AP4E1: variants seen among roughly 807,000 people sequenced by gnomAD.
AP4E1 encodes the protein adaptor related protein complex 4 subunit epsilon 1, also known as AP-4 complex subunit epsilon-1.
Under a neutral mutation model 128.2 loss-of-function variants are expected in AP4E1, and 56 were observed. That is an observed-to-expected ratio of 0.44 (90% CI 0.35 to 0.55). The LOEUF is 0.55. Ranked by LOEUF, AP4E1 falls within the 20% of genes least tolerant of loss-of-function variation. AP4E1 has a pLI of 0.00. For missense variants in AP4E1, 1,324 were observed against 1,307.7 expected (o/e 1.01, Z -0.19); for synonymous variants, 484 against 473.1 (o/e 1.02, Z -0.30).
intron 15 of AP4E1, among the ~76,000 whole-genome samples, chr15:50,983,455 T>C (rs529700908): frequency 3.3e-4 from 50 of 152,246 alleles, no homozygotes; most frequent in South Asian, 1.0e-3. Flanking sequence ...GTTTATTACA[T>C]AGAAAGAAAG....
intron 2 of AP4E1, 144 bp from the exon 3 acceptor site, chr15:50,915,304 G>C (rs1381668040): frequency 3.7e-6 from 3 of 808,830 alleles, no homozygotes; most frequent in Non-Finnish European, 5.8e-6. Context: ...TATAAAGTCT[G>C]ATATTGGGTG....
rs1214983975 is a variant in AP4E1, at chr15:51,003,359, TG to T, written c.*698del. 1.3e-5 allele frequency: 2 copies of T among 152,594 alleles called. No homozygotes were observed. The highest frequency in any genetic ancestry group is 4.8e-5 in the African/African-American group (2 of 41,448). 9.5% of individuals were successfully genotyped at this position (152,594 alleles called of 1,614,324 possible). A position where few individuals can be genotyped will look rare whatever the true frequency, so the allele number is the denominator to read the frequency against. ...AAAGTAAATCACTCTATTCTTATTT[TG>T]AAAACTCAGAGCCATTTTATATAGA... is the stretch of plus-strand genomic sequence containing the variant. On this transcript the variant is annotated 3_prime_UTR_variant, in exon 21 of 21. Coordinates refer to ENST00000261842, the MANE Select transcript of AP4E1 (RefSeq NM_007347.5).
chr15:50,969,894 C>T (rs1420401102), intron 15 of AP4E1, among the ~76,000 whole-genome samples: 1 of 152,052 alleles, frequency 6.6e-6, no homozygotes, highest in Non-Finnish European at 1.5e-5. Flanking sequence ...CTCCTGACCT[C>T]GTGATCTGCC....
intron 15 of AP4E1, among the ~76,000 whole-genome samples, chr15:50,973,308 C>T (rs1010403035): frequency 6.6e-5 from 10 of 152,130 alleles, no homozygotes; most frequent in Admixed American, 5.9e-4. Context: ...TAGAATGAGA[C>T]CAAAAAGTTA....
At chr15:50,931,106 T>C (rs958220388) in intron 7 of AP4E1, 135 bp downstream of exon 7, 5 of 1,119,510 alleles carry the variant, frequency 4.5e-6, no homozygotes, top group Non-Finnish European at 6.6e-6. Flanking sequence ...AAAGAAGCCA[T>C]TGTAAGAATC....
At chr15:50,999,319 C>A in intron 19 of AP4E1, 57 bp downstream of exon 19, 1 of 1,467,390 alleles carries the variant, frequency 6.8e-7, no homozygotes, top group South Asian at 1.2e-5. Context: ...ATTTTTTAGA[C>A]CTCTTCTCTG....
At position 50,912,988 on chromosome 15, in the gene AP4E1, A is replaced by G. The variant is rs28397739; in HGVS notation, c.222+839A>G. 5.0e-3 allele frequency among the ~76,000 whole-genome samples: 758 copies of G among 151,834 alleles called. 11 individuals carry two copies. The highest frequency in any genetic ancestry group is 0.018 in the African/African-American group (734 of 41,390). On this transcript the variant is annotated intron_variant, in intron 2 of 20. Transcript: ENST00000261842. ...CTGGCCTGATTTTTTTTTAAATGAG[A>G]TTTTGTTTCAAGCAACATATCTTCA...
chr15:50,930,859 C>G lies in AP4E1; in HGVS notation c.757C>G (p.Gln253Glu), dbSNP rs770999118. The G allele has an allele frequency of 1.9e-6, 3 of 1,614,018 alleles. No individual in the cohort carries two copies. Among genetic ancestry groups the G allele is most frequent in the Non-Finnish European group, 2.5e-6 (3 of 1,179,992 alleles). Residue 253 changes from glutamine to glutamate, a missense_variant, in exon 7 of 21, where the codon CAA becomes GAA. Gln to Glu is a conservative substitution (Grantham distance 29). Transcript: ENST00000261842. ...LTGSFVTILK[Q>E]VVGGKLPVEF... is the part of the protein sequence containing the mutation. ...TGGGAGTTTTGTAACCATTTTGAAG[C>G]AAGTAGTTGGAGGAAAGCTCCCAGT...
chr15:50,930,149 C>T (rs1271255085), intron 6 of AP4E1, among the ~76,000 whole-genome samples: 2 of 146,994 alleles, frequency 1.4e-5, no homozygotes, highest in Non-Finnish European at 1.5e-5. Flanking sequence ...CTCACCACAA[C>T]CTCCCCGTCC....
chr15:50,985,152 G>T (rs2064702082), intron 16 of AP4E1, among the ~76,000 whole-genome samples: 1 of 151,836 alleles, frequency 6.6e-6, no homozygotes, highest in Non-Finnish European at 1.5e-5. Flanking sequence ...TTTTGATGGG[G>T]TTGTTTGTTT....
chr15:50,912,547 A>G lies in AP4E1; in HGVS notation c.222+398A>G, dbSNP rs1316687914. On this transcript the variant is annotated intron_variant, in intron 2 of 20. Coordinates refer to ENST00000261842, the MANE Select transcript of AP4E1 (RefSeq NM_007347.5). ...TAGTTGTTTTTAAAGTTTGTTCTAC[A>G]TAATCTGATTTTTCAAACAATATTC... is the stretch of plus-strand genomic sequence containing the variant. Among the ~76,000 whole-genome samples, 3 of 152,332 alleles carry G rather than the reference A, an allele frequency of 2.0e-5. No individual in the cohort carries two copies. The East Asian group carries it at 5.8e-4, about 29-fold the overall frequency.
At chr15:50,909,096 C>T (rs954503761) in intron 1 of AP4E1, among the ~76,000 whole-genome samples, 168 bp downstream of exon 1, 1 of 152,362 alleles carries the variant, frequency 6.6e-6, no homozygotes, top group Middle Eastern at 3.4e-3. Flanking sequence ...CTTCACTTTC[C>T]TGCTGGGACT....
At position 51,002,847 on chromosome 15, in the gene AP4E1, C is replaced by T; in HGVS notation, c.*185C>T. 1.4e-6 allele frequency: 1 copy of T among 725,734 alleles called. No individual in the cohort carries two copies. Among genetic ancestry groups the T allele is most frequent in the Non-Finnish European group, 2.3e-6 (1 of 442,122 alleles). 45.0% of individuals were successfully genotyped at this position (725,734 alleles called of 1,614,324 possible). ...CCAAAACTGTATCCCTAACCTTTAA[C>T]TCAGGATTGTACAGTATGTTTAGGT... On this transcript the variant is annotated 3_prime_UTR_variant, in exon 21 of 21. Coordinates refer to ENST00000261842, the MANE Select transcript of AP4E1 (RefSeq NM_007347.5).
At chr15:50,917,384 T>C (rs1455220110) in intron 3 of AP4E1, among the ~76,000 whole-genome samples, 3 of 152,238 alleles carry the variant, frequency 2.0e-5, no homozygotes, top group African/African-American at 7.2e-5. Flanking sequence ...GCATTTCTTT[T>C]ACTGTTCTGC....
chr15:50,980,589 A>G (rs1459770637), intron 15 of AP4E1, among the ~76,000 whole-genome samples: 1 of 152,198 alleles, frequency 6.6e-6, no homozygotes, highest in East Asian at 1.9e-4. Flanking sequence ...GATAGAAATG[A>G]TCATCAAGAC....
chr15:50,999,153 A>C lies in AP4E1; in HGVS notation c.2986A>C (p.Lys996Gln). 1.2e-6 allele frequency: 2 copies of C among 1,614,048 alleles called. No homozygotes were observed. The highest frequency in any genetic ancestry group is 1.7e-6 in the Non-Finnish European group (2 of 1,179,974). Reference protein sequence around the residue: ...KSFQYSVQIEKPFTEGNLTGF... With the variant: ...KSFQYSVQIEQPFTEGNLTGF... Reference sequence around the variant, plus strand: ...CTTTCAATATAGTGTGCAGATAGAAAAACCTTTTACAGAAGGAAATCTTAC... The same window carrying C: ...CTTTCAATATAGTGTGCAGATAGAACAACCTTTTACAGAAGGAAATCTTAC... The change falls in exon 19 of 21, where the codon AAA (lysine) becomes CAA (glutamine). Residue 996 changes from lysine to glutamine, a missense_variant. Lys to Gln is a moderately conservative substitution (Grantham distance 53, BLOSUM62 1). Coordinates refer to ENST00000261842, the MANE Select transcript of AP4E1 (RefSeq NM_007347.5).
intron 2 of AP4E1, among the ~76,000 whole-genome samples, chr15:50,912,716 G>A (rs1417832556): frequency 6.7e-6 from 1 of 150,040 alleles, no homozygotes; most frequent in African/African-American, 2.5e-5. Context: ...GGAGTGCAGT[G>A]GCGTGGCGTG....
rs28567398 is a variant in AP4E1, at chr15:50,914,637, C to T, written c.223-811C>T. ...CTGTACTCCAGCCTGGGTGACAGAG[C>T]GAGACTCTGTCTCAAAAAAAAAAAA... On this transcript the variant is annotated intron_variant, in intron 2 of 20. Transcript: ENST00000261842. Among the ~76,000 whole-genome samples the T allele has an allele frequency of 4.9e-3, 539 of 110,752 alleles. 7 individuals carry two copies. Among genetic ancestry groups the T allele is most frequent in the African/African-American group, 0.02 (520 of 25,634 alleles). 72.7% of individuals were successfully genotyped at this position (110,752 alleles called of 152,430 possible).
In AP4E1 at chr15:51,004,047, A is replaced by G. The variant is rs2064994226; in HGVS notation, c.*1385A>G. 1.3e-5 allele frequency: 2 copies of G among 152,246 alleles called. No homozygotes were observed. Among genetic ancestry groups the G allele is most frequent in the South Asian group, 2.1e-4 (1 of 4,832 alleles). The allele number at this position is 152,246 out of a possible 1,614,324, so 9.4% of individuals were successfully genotyped here. Reference sequence around the variant, plus strand: ...TAATTTTTAAGTTATTCATTAAAAAATATATAACATCTTAATTTTATTCTT... The same window carrying G: ...TAATTTTTAAGTTATTCATTAAAAAGTATATAACATCTTAATTTTATTCTT... On this transcript the variant is annotated 3_prime_UTR_variant, in exon 21 of 21. Coordinates refer to ENST00000261842, the MANE Select transcript of AP4E1 (RefSeq NM_007347.5).
Sources: gnomAD v4.1 joint callset for allele counts (sites outside exome capture counted in the v4.1 genomes callset) on GRCh38, gnomAD v4.1.1 for gene constraint, MANE v1.5 for transcripts, NCBI Gene and HGNC (gene_info 2026-07-23, HGNC 2026-07-21) for gene names.